PSME4: variants seen among roughly 807,000 people sequenced by gnomAD.
PSME4 encodes the protein proteasome activator subunit 4.
Under a neutral mutation model 253.9 loss-of-function variants are expected in PSME4, and 89 were observed. The observed-to-expected ratio is 0.35, with a 90% confidence interval of 0.30 to 0.42. The LOEUF (loss-of-function observed/expected upper bound fraction) is 0.42, where lower values mean the gene tolerates loss of function less well. Among genes scored for constraint, PSME4 ranks in the 10% least tolerant of loss-of-function variants. The pLI is 1.00. For synonymous variants in PSME4, 851 were observed against 759.2 expected, an observed-to-expected ratio of 1.12 and a Z score of -1.99; for missense variants, 2,014 against 2,195.2, an observed-to-expected ratio of 0.92 and a Z score of 1.65.
At chr2:53,910,044 C>G in intron 21 of PSME4, 31 bp downstream of exon 21, 1 of 1,544,928 alleles carries the variant, frequency 6.5e-7, no homozygotes, top group African/African-American at 1.4e-5. Context: ...AAATAATCCA[C>G]ACAGATTTAC....
In PSME4 at chr2:53,908,582, A is replaced by T; in HGVS notation, c.2630-17T>A. 1.4e-5 allele frequency: 22 copies of T among 1,578,258 alleles called. No homozygotes were observed. The highest frequency in any genetic ancestry group is 1.9e-5 in the Non-Finnish European group (22 of 1,165,764). ...GTATGTGGTCTATAATGGAAGAAAGAAAAGGATTTTGGTTAAAATATTTTG... is the reference window on the plus strand; with the variant it reads ...GTATGTGGTCTATAATGGAAGAAAGTAAAGGATTTTGGTTAAAATATTTTG... On this transcript the variant is annotated splice_polypyrimidine_tract_variant and intron_variant, in intron 22 of 46. Coordinates refer to ENST00000404125, the MANE Select transcript of PSME4 (RefSeq NM_014614.3).
intron 34 of PSME4, 114 bp from the exon 35 acceptor site, chr2:53,893,913 T>G: frequency 7.2e-7 from 1 of 1,382,706 alleles, no homozygotes; most frequent in East Asian, 2.8e-5. Flanking sequence ...GTATTTTTGT[T>G]TCCATGAATT....
chr2:53,874,144 TAG>T (rs1679016763), intron 43 of PSME4, among the ~76,000 whole-genome samples, 193 bp downstream of exon 43: 1 of 152,112 alleles, frequency 6.6e-6, no homozygotes, highest in African/African-American at 2.4e-5. Flanking sequence ...GTACTTTTTG[TAG>T]AGACAGTCTT....
chr2:53,923,145 C>T (rs1558687383), intron 15 of PSME4, 27 bp from the exon 16 acceptor site: 1 of 1,574,340 alleles, frequency 6.4e-7, no homozygotes, highest in South Asian at 1.2e-5. Context: ...ATAAGTAAGG[C>T]TTTTTTGAAA....
chr2:53,897,008 C>G (rs1205823024), intron 31 of PSME4, 123 bp from the exon 32 acceptor site: 5 of 714,458 alleles, frequency 7.0e-6, no homozygotes, highest in Non-Finnish European at 1.2e-5. Context: ...CTATCGACAT[C>G]TGGCAGTACA....
In PSME4 at chr2:53,934,733, A is replaced by C. The variant is rs574722338; in HGVS notation, c.835-6T>G. 5.1e-6 allele frequency: 8 copies of C among 1,569,140 alleles called. No individual in the cohort carries two copies. The highest frequency in any genetic ancestry group is 7.0e-6 in the Non-Finnish European group (8 of 1,143,296). The stretch of plus-strand genomic sequence containing the variant: ...CTCAGAATTCTTGTAAATATCTTTT[A>C]AAAGAAAAAAATAAGTAAGGATATT... On this transcript the variant is annotated splice_polypyrimidine_tract_variant and splice_region_variant and intron_variant, in intron 7 of 46. Coordinates refer to ENST00000404125, the MANE Select transcript of PSME4 (RefSeq NM_014614.3).
chr2:53,893,697 G>C lies in PSME4; in HGVS notation c.4015C>G (p.Pro1339Ala), dbSNP rs762465146. 4 of 1,610,410 alleles carry C rather than the reference G, an allele frequency of 2.5e-6. No homozygotes were observed. The highest frequency in any genetic ancestry group is 3.4e-6 in the Non-Finnish European group (4 of 1,178,144). Residue 1339 changes from proline to alanine, a missense_variant, in exon 35 of 47, where the codon CCA (proline) becomes GCA (alanine). By Grantham distance (27) the Pro-to-Ala change is conservative. Around this residue, in one of 4 missense-constraint regions of PSME4, gnomAD observed 989 missense variants for 1,021.1 expected, o/e 0.97. Coordinates refer to ENST00000404125, the MANE Select transcript of PSME4 (RefSeq NM_014614.3). ...EDRKGKDKFN[P>A]RRFCLFKGIF... ...ACCTTAAAGAGGCAAAAACGTCGTG[G>C]ATTAAACTTATCTTTTCCTTTTCTG...
intron 1 of PSME4, among the ~76,000 whole-genome samples, chr2:53,951,422 T>C (rs1166173318): frequency 1.3e-5 from 2 of 152,208 alleles, no homozygotes; most frequent in Admixed American, 1.3e-4. Context: ...TAACTGCTTT[T>C]TTATCTTCCA....
chr2:53,965,543 T>C (rs1670682865), intron 1 of PSME4, among the ~76,000 whole-genome samples: 1 of 139,384 alleles, frequency 7.2e-6, no homozygotes, highest in African/African-American at 2.5e-5. Context: ...CAGCAGTATG[T>C]TGTGGAGCCC....
At chr2:53,953,625 A>G (rs1310355221) in intron 1 of PSME4, among the ~76,000 whole-genome samples, 1 of 151,032 alleles carries the variant, frequency 6.6e-6, no homozygotes, top group Non-Finnish European at 1.5e-5. Context: ...AAGGTGAATG[A>G]AAAATAAATT....
intron 4 of PSME4, among the ~76,000 whole-genome samples, chr2:53,939,741 T>C (rs1475680682): frequency 2.0e-5 from 3 of 152,226 alleles, no homozygotes; most frequent in Non-Finnish European, 4.4e-5. Context: ...AGTATGGTAT[T>C]CTTACTTTAC....
At chr2:53,947,165 C>T (rs1259040092) in intron 3 of PSME4, among the ~76,000 whole-genome samples, 1 of 152,148 alleles carries the variant, frequency 6.6e-6, no homozygotes, top group African/African-American at 2.4e-5. Context: ...TTTACCTCTT[C>T]CACTTACACC....
chr2:53,916,201 C>T (rs1458945204), intron 20 of PSME4, among the ~76,000 whole-genome samples: 1 of 147,356 alleles, frequency 6.8e-6, no homozygotes, highest in Non-Finnish European at 1.5e-5. Context: ...GAGCTGAGAT[C>T]CCACCACTAC....
At position 53,876,716 on chromosome 2, in the gene PSME4, C is replaced by CTTTTTTTTTTTTTTTTTTTTTTTTTTT. The variant is rs10599430; in HGVS notation, c.4816-962_4816-961insAAAAAAAAAAAAAAAAAAAAAAAAAAA. ...TCTGATGGCTGTAGCCACTGTCATT[C>CTTTTTTTTTTTTTTTTTTTTTTTTTTT]TTTTTTTTTTTTTTTTTTTTGAGAC... On this transcript the variant is annotated intron_variant, in intron 41 of 46. Transcript: ENST00000404125. Among the ~76,000 whole-genome samples, 70 of 97,836 alleles carry CTTTTTTTTTTTTTTTTTTTTTTTTTTT rather than the reference C, an allele frequency of 7.2e-4. 2 individuals carry two copies. The highest frequency in any genetic ancestry group is 6.4e-3 in the Middle Eastern group (1 of 156). The allele number at this position is 97,836 out of a possible 152,430, so 64.2% of individuals were successfully genotyped here.
At chr2:53,873,595 G>A (rs1678994527) in intron 43 of PSME4, among the ~76,000 whole-genome samples, 1 of 152,036 alleles carries the variant, frequency 6.6e-6, no homozygotes, top group Non-Finnish European at 1.5e-5. Flanking sequence ...TTATCTTTTT[G>A]TACAAACCAT....
intron 1 of PSME4, among the ~76,000 whole-genome samples, chr2:53,970,235 T>A (rs1670991704): frequency 2.0e-5 from 3 of 152,132 alleles, no homozygotes; most frequent in African/African-American, 4.8e-5. Flanking sequence ...CCTCTCTCCC[T>A]CGGGGCCGGG....
chr2:53,941,786 A>C (rs1019375921), intron 3 of PSME4, among the ~76,000 whole-genome samples: 19 of 152,134 alleles, frequency 1.2e-4, no homozygotes, highest in African/African-American at 4.6e-4. Flanking sequence ...ACATAATTCT[A>C]TCAGTACTAA....
At position 53,970,639 on chromosome 2, in the gene PSME4, T is replaced by G. The variant is rs996505156; in HGVS notation, c.146A>C (p.Asp49Ala). 2 of 1,549,906 alleles carry G rather than the reference T, an allele frequency of 1.3e-6. No individual in the cohort carries two copies. Among genetic ancestry groups the G allele is most frequent in the Non-Finnish European group, 1.7e-6 (2 of 1,146,924 alleles). ...PYAERLDAES[D>A]LQLAQIKCNL... ...GCATTTGATCTGGGCCAGCTGCAAG[T>G]CGGACTCGGCGTCTAGCCGCTCCGC... Residue 49 changes from aspartate to alanine, a missense_variant, in exon 1 of 47, where the codon GAC becomes GCC. Physicochemically the swap from Asp to Ala is moderately radical, Grantham distance 126. This residue lies in a region of PSME4 where 615 missense variants were observed against 594.4 expected (regional missense o/e 1.03). Coordinates refer to ENST00000404125, the MANE Select transcript of PSME4 (RefSeq NM_014614.3).
At chr2:53,944,056 ATTTTTTAAAATTGC>A (rs1313701755) in intron 3 of PSME4, among the ~76,000 whole-genome samples, 1 of 152,202 alleles carries the variant, frequency 6.6e-6, no homozygotes, top group Admixed American at 6.5e-5. Flanking sequence ...TGAACTAAGT[ATTTTTTAAAATTGC>A]TTTTAAAAGA....
Sources: gnomAD v4.1 joint callset for allele counts (sites outside exome capture counted in the v4.1 genomes callset) on GRCh38, gnomAD v4.1.1 for gene constraint, gnomAD v4.1.1 regional missense constraint, MANE v1.5 for transcripts, NCBI Gene and HGNC (gene_info 2026-07-23, HGNC 2026-07-21) for gene names.